The following RIMS3 variants were observed in gnomAD, a reference collection of about 807,000 sequenced individuals.
The protein encoded by RIMS3 is regulating synaptic membrane exocytosis protein 3.
Under a neutral mutation model 29.2 loss-of-function variants are expected in RIMS3, and 15 were observed. That is an observed-to-expected ratio of 0.51 (90% confidence interval 0.34 to 0.79). The LOEUF (loss-of-function observed/expected upper bound fraction) is 0.79. RIMS3 is among the 30% of genes least tolerant of loss of function. RIMS3 has a pLI of 0.01. For missense variants in RIMS3, 342 were observed against 421.4 expected (o/e 0.81, Z 1.65); for synonymous variants, 161 against 170.1 (o/e 0.95, Z 0.41).
chr1:40,624,762 A>G lies in RIMS3; in HGVS notation c.*1755T>C, dbSNP rs1646443119. 1 of 152,636 alleles carries G rather than the reference A, an allele frequency of 6.6e-6. No homozygotes were observed. 9.5% of individuals were successfully genotyped at this position (152,636 alleles called of 1,614,324 possible). On this transcript the variant is annotated 3_prime_UTR_variant, in exon 8 of 8. Transcript: ENST00000372684. ...GAGGCCCTTTGGGCTGAGATGACCT[A>G]TCCATAAGGCGCCACTGCCTCCATG...
intron 1 of RIMS3, among the ~76,000 whole-genome samples, chr1:40,650,096 C>T (rs1057290930): frequency 2.6e-5 from 4 of 152,112 alleles, no homozygotes; most frequent in African/African-American, 4.8e-5. Context: ...ATGGGGTGGT[C>T]GGACTCAAAC....
In RIMS3 at chr1:40,659,607, T is replaced by G. The variant is rs140674359; in HGVS notation, c.-207+5787A>C. On this transcript the variant is annotated intron_variant, in intron 1 of 7. Coordinates refer to ENST00000372684, the MANE Select transcript of RIMS3 (RefSeq NM_014747.3). ...AGCCCACAGAGTTCACAGCCTAGCA[T>G]GAAATAGACATGAGGGAAAAGCGAT... 9.1e-4 allele frequency among the ~76,000 whole-genome samples: 139 copies of G among 152,276 alleles called. 3 individuals carry two copies. The highest frequency in any genetic ancestry group is 3.2e-3 in the African/African-American group (135 of 41,574).
the RIMS3 span, among the ~76,000 whole-genome samples, chr1:40,685,813 G>A: frequency 6.6e-6 from 1 of 151,502 alleles, no homozygotes; most frequent in Non-Finnish European, 1.5e-5. Flanking sequence ...CCAATACATA[G>A]ATGAAGAAGG....
At chr1:40,669,511 T>A (rs1324297047), upstream of RIMS3, 1 of 152,270 alleles carries the variant, frequency 6.6e-6, no homozygotes, top group Non-Finnish European at 1.5e-5. Flanking sequence ...ACACTCCTGA[T>A]ACAGCGAATC....
intron 4 of RIMS3, among the ~76,000 whole-genome samples, chr1:40,633,423 T>A (rs1406280852): frequency 1.3e-5 from 2 of 152,260 alleles, no homozygotes; most frequent in Non-Finnish European, 2.9e-5. Flanking sequence ...CAATACATAA[T>A]GATGCTATTT....
chr1:40,645,436 G>T (rs1195892175), intron 2 of RIMS3, among the ~76,000 whole-genome samples: 2 of 152,162 alleles, frequency 1.3e-5, no homozygotes, highest in South Asian at 2.1e-4. Flanking sequence ...TTGAACCCAG[G>T]TCTCCTGTTT....
chr1:40,675,361 C>T, the RIMS3 span, among the ~76,000 whole-genome samples: 1 of 151,980 alleles, frequency 6.6e-6, no homozygotes, highest in Non-Finnish European at 1.5e-5. Flanking sequence ...GTGGCTCATG[C>T]CTGTAATTCC....
the RIMS3 span, among the ~76,000 whole-genome samples, chr1:40,680,780 G>C: frequency 6.6e-6 from 1 of 152,086 alleles, no homozygotes; most frequent in Non-Finnish European, 1.5e-5. Context: ...ATAAAAGCTA[G>C]TTACAAACTT....
chr1:40,628,908 A>G lies in RIMS3; in HGVS notation c.616T>C (p.Leu206=). ...GTCATCTTTGTCTTCTTCTTGGCCA[A>G]GCAGGCCCCATTCTCCAGCAGGTAA... The part of the protein sequence containing the change: ...KVYLLENGAC[L]AKKKTKMTKK... Residue 206 remains leucine, a synonymous_variant, in exon 7 of 8, where the codon TTG becomes CTG. Transcript: ENST00000372684. 6.2e-7 allele frequency: 1 copy of G among 1,613,730 alleles called. No homozygotes were observed. Among genetic ancestry groups the G allele is most frequent in the Non-Finnish European group, 8.5e-7 (1 of 1,180,022 alleles).
rs1285692500 is a variant in RIMS3, at chr1:40,626,586, T to C, written c.858A>G (p.Thr286=). Residue 286 remains threonine (T), a synonymous_variant, in exon 8 of 8, where the codon ACA becomes ACG. Coordinates refer to ENST00000372684, the MANE Select transcript of RIMS3 (RefSeq NM_014747.3). The part of the protein sequence containing the change: ...LFPTSSVADS[T]LGSLTRRLSQ... ...ACAGGCGCCTGGTGAGGGATCCGAGTGTGGAGTCTGCCACTGAGGAGGTGG... is the reference window on the plus strand; with the variant it reads ...ACAGGCGCCTGGTGAGGGATCCGAGCGTGGAGTCTGCCACTGAGGAGGTGG... 3.7e-5 allele frequency: 59 copies of C among 1,613,844 alleles called. No homozygotes were observed. The highest frequency in any genetic ancestry group is 5.0e-5 in the Non-Finnish European group (59 of 1,179,970).
At chr1:40,661,207 T>C (rs143692372) in intron 1 of RIMS3, among the ~76,000 whole-genome samples, 1,537 of 152,274 alleles carry the variant, frequency 0.01, 13 homozygotes, top group Non-Finnish European at 0.012. Flanking sequence ...GAGATGATAA[T>C]AGTACCTACC....
rs774017299 is a variant in RIMS3, at chr1:40,636,512, A to T, written c.218-455T>A. Among the ~76,000 whole-genome samples the T allele has an allele frequency of 6.6e-5, 10 of 151,942 alleles. No individual in the cohort carries two copies. Among genetic ancestry groups the T allele is most frequent in the Non-Finnish European group, 1.3e-4 (9 of 67,970 alleles). ...CTTTCAGGCACCCTCAGACCCTATC[A>T]CACCCAGACCTCACAACTCACCTCT... On this transcript the variant is annotated intron_variant, in intron 3 of 7. Transcript: ENST00000372684. The surrounding 1 kb of genome is among the most constrained non-coding windows in gnomAD (Gnocchi z 4.2).
chr1:40,683,727 C>T, the RIMS3 span, among the ~76,000 whole-genome samples: 1 of 152,240 alleles, frequency 6.6e-6, no homozygotes, highest in Non-Finnish European at 1.5e-5. Context: ...AACAGCTACA[C>T]GTGGCTAGTG....
At chr1:40,633,025 A>G (rs774113516) in intron 5 of RIMS3, 44 bp downstream of exon 5, 5 of 1,493,152 alleles carry the variant, frequency 3.3e-6, no homozygotes, top group East Asian at 2.3e-5. Context: ...TTCCTGTCGC[A>G]TGGTCACCAT....
At chr1:40,691,456 C>T in the RIMS3 span, 1 of 275,706 alleles carries the variant, frequency 3.6e-6, no homozygotes, top group South Asian at 2.8e-5. Context: ...AGGAGATCCA[C>T]AAGGATAGGC....
the RIMS3 span, among the ~76,000 whole-genome samples, chr1:40,687,167 G>T: frequency 6.6e-6 from 1 of 152,184 alleles, no homozygotes; most frequent in Non-Finnish European, 1.5e-5. Flanking sequence ...AAGTAGAATG[G>T]TGGTTACCAG....
intron 2 of RIMS3, 55 bp from the exon 3 acceptor site, chr1:40,642,011 G>T: frequency 8.8e-7 from 1 of 1,134,678 alleles, no homozygotes; most frequent in Non-Finnish European, 1.3e-6. Flanking sequence ...TGAATCTACT[G>T]CAGTCCCACC....
chr1:40,670,574 T>TTATATATATATATGTATATATATA (rs1553146612), upstream of RIMS3, among the ~76,000 whole-genome samples: 4 of 71,190 alleles, frequency 5.6e-5, no homozygotes, highest in African/African-American at 2.8e-4. Context: ...AGTTATAATT[T>TTATATATATATATGTATATATATA]TATATATATA....
chr1:40,637,440 T>G (rs557789370), intron 3 of RIMS3, among the ~76,000 whole-genome samples: 2 of 152,278 alleles, frequency 1.3e-5, no homozygotes, highest in South Asian at 4.2e-4. Flanking sequence ...TCTGGGATAC[T>G]GGAATAGCAT....
Sources: gnomAD v4.1 joint callset for allele counts (sites outside exome capture counted in the v4.1 genomes callset) on GRCh38, gnomAD v4.1.1 for gene constraint, Gnocchi (gnomAD v3.1) non-coding constraint, MANE v1.5 for transcripts, NCBI Gene and HGNC (gene_info 2026-07-23, HGNC 2026-07-21) for gene names.